The following MYO5B variants were observed in gnomAD, a reference collection of about 807,000 sequenced individuals.
The protein encoded by MYO5B is myosin VB.
In MYO5B, 143 loss-of-function variants were observed where a neutral mutation model predicts 229.3. The observed-to-expected ratio is 0.62, with a 90% CI of 0.54 to 0.72. The LOEUF is 0.72. Ranked by LOEUF, MYO5B falls within the 30% of genes least tolerant of loss-of-function variation. The pLI, the probability that MYO5B is intolerant of heterozygous loss-of-function variation, is 0.00. For synonymous variants in MYO5B, 918 were observed against 885.2 expected (o/e 1.04, Z -0.66); for missense variants, 2,321 against 2,331.0 (o/e 1.00, Z 0.09).
chr18:49,877,992 A>G, intron 24 of MYO5B, 110 bp from the exon 25 acceptor site: 2 of 1,321,664 alleles, frequency 1.5e-6, no homozygotes, highest in Non-Finnish European at 2.2e-6. Context: ...TGTCAACAAG[A>G]ATAGGTATCA....
chr18:49,974,451 G>A lies in MYO5B; in HGVS notation c.1221C>T (p.His407=), dbSNP rs2025722777. ...VINARNALAK[H]IYAQLFGWIV... The stretch of plus-strand genomic sequence containing the variant: ...TCCAGCCGAACAACTGGGCATAGAT[G>A]TGCTTCGCCAGGGCGTTGCGCGCAT... Residue 407 remains histidine (H), a synonymous_variant, in exon 10 of 40, where the codon CAC becomes CAT. Transcript: ENST00000285039. 1 of 1,614,196 alleles carries A rather than the reference G, an allele frequency of 6.2e-7. No homozygotes were observed. The highest frequency in any genetic ancestry group is 1.3e-5 in the African/African-American group (1 of 75,046).
intron 4 of MYO5B, among the ~76,000 whole-genome samples, chr18:50,007,768 A>G (rs578116798): frequency 6.6e-6 from 1 of 152,350 alleles, no homozygotes; most frequent in Admixed American, 6.5e-5. Context: ...CAGCTCATCG[A>G]TAACTGCTGT....
At chr18:49,846,608 A>G (rs2024130781) in intron 33 of MYO5B, among the ~76,000 whole-genome samples, 1 of 152,190 alleles carries the variant, frequency 6.6e-6, no homozygotes, top group African/African-American at 2.4e-5. Flanking sequence ...CTAACCAAAC[A>G]GAAGGAGTCT....
chr18:49,879,036 T>C lies in MYO5B; in HGVS notation c.3185A>G (p.Glu1062Gly), dbSNP rs2024557547. 6.2e-7 allele frequency: 1 copy of C among 1,601,074 alleles called. No individual in the cohort carries two copies. Among genetic ancestry groups the C allele is most frequent in the African/African-American group, 1.4e-5 (1 of 70,352 alleles). Residue 1062 changes from glutamate to glycine, a missense_variant, in exon 24 of 40, where the codon GAG (glutamate) becomes GGG (glycine). Transcript: ENST00000285039. ...KENLMKKELE[E>G]ERSRYQNLVK... ...AAGGTTCTGGTACCGGGATCGCTCC[T>C]CCTCCAGTTCTTTCTTCATGAGATT...
intron 7 of MYO5B, among the ~76,000 whole-genome samples, chr18:49,987,906 A>G (rs1255901472): frequency 6.6e-6 from 1 of 152,046 alleles, no homozygotes; most frequent in African/African-American, 2.4e-5. Flanking sequence ...GGGCCAGGAG[A>G]TTATTCTAGG....
chr18:50,031,338 A>C (rs1183543028), intron 4 of MYO5B, among the ~76,000 whole-genome samples: 1 of 151,940 alleles, frequency 6.6e-6, no homozygotes, highest in Non-Finnish European at 1.5e-5. Context: ...TTGGGTCTGA[A>C]CTCCATCTGT....
At chr18:50,125,504 A>G (rs1464304723) in intron 1 of MYO5B, among the ~76,000 whole-genome samples, 2 of 152,130 alleles carry the variant, frequency 1.3e-5, no homozygotes, top group African/African-American at 4.8e-5. Context: ...CATGTAACCT[A>G]CAACTTAAAG....
rs374342712 is a variant in MYO5B at position 49,915,040 on chromosome 18, G to A, written c.2091-2867C>T. ...CCCTCCTCATTGCTCCTTTGCAAAC[G>A]CTTTTCCTGGTCTGGTGGAAGATGT... On this transcript the variant is annotated intron_variant, in intron 17 of 39. Transcript: ENST00000285039. 4.6e-5 allele frequency among the ~76,000 whole-genome samples: 7 copies of A among 152,134 alleles called. No individual in the cohort carries two copies. In the East Asian group the frequency reaches 9.7e-4, roughly 21 times the overall value.
rs571050583 is a variant in MYO5B at position 49,936,868 on chromosome 18, G to C, written c.1905+377C>G. On this transcript the variant is annotated intron_variant, in intron 15 of 39. Coordinates refer to ENST00000285039, the MANE Select transcript of MYO5B (RefSeq NM_001080467.3). Reference sequence around the variant, plus strand: ...AGACACAATGGGCAGAACAGCCACAGAGACCCCACAGCAGGAGAAGTTGCT... The same window carrying C: ...AGACACAATGGGCAGAACAGCCACACAGACCCCACAGCAGGAGAAGTTGCT... Among the ~76,000 whole-genome samples the C allele has an allele frequency of 1.4e-4, 21 of 152,266 alleles. No homozygotes were observed. In the East Asian group the frequency reaches 4.1e-3, roughly 29 times the overall value.
intron 1 of MYO5B, among the ~76,000 whole-genome samples, chr18:50,173,069 G>GC (rs2032941526): frequency 6.6e-6 from 1 of 152,246 alleles, no homozygotes; most frequent in Non-Finnish European, 1.5e-5. Flanking sequence ...TTCAAGACCA[G>GC]CCTGGCCAAC....
At chr18:49,994,044 C>T (rs1381546044) in intron 5 of MYO5B, among the ~76,000 whole-genome samples, 1 of 152,138 alleles carries the variant, frequency 6.6e-6, no homozygotes, top group Non-Finnish European at 1.5e-5. Context: ...ATAGGCAGTT[C>T]CCTCTTTTCC....
At chr18:50,069,456 A>AT (rs1353105445) in intron 1 of MYO5B, among the ~76,000 whole-genome samples, 1 of 152,004 alleles carries the variant, frequency 6.6e-6, no homozygotes, top group Non-Finnish European at 1.5e-5. Flanking sequence ...AGTCTTCAGT[A>AT]TTGTCCAGCC....
chr18:50,191,396 A>G (rs990553277), intron 1 of MYO5B, among the ~76,000 whole-genome samples: 1 of 152,126 alleles, frequency 6.6e-6, no homozygotes, highest in East Asian at 1.9e-4. Context: ...CCTCACACCA[A>G]TGAAGCTACT....
intron 17 of MYO5B, among the ~76,000 whole-genome samples, chr18:49,927,760 A>T (rs2025146069): frequency 6.6e-6 from 1 of 152,270 alleles, no homozygotes; most frequent in Non-Finnish European, 1.5e-5. Flanking sequence ...TGGATCAAAG[A>T]CTTAAATCTA....
intron 14 of MYO5B, among the ~76,000 whole-genome samples, chr18:49,951,860 G>C (rs8097868): frequency 1.3e-5 from 2 of 152,174 alleles, no homozygotes; most frequent in South Asian, 2.1e-4. Context: ...CTTTCCCTGT[G>C]CCTTGGGGCT....
intron 9 of MYO5B, among the ~76,000 whole-genome samples, chr18:49,977,510 C>A (rs894361331): frequency 6.6e-6 from 1 of 152,130 alleles, no homozygotes; most frequent in Non-Finnish European, 1.5e-5. Context: ...CAACTATTAA[C>A]GATGCATTTC....
intron 22 of MYO5B, among the ~76,000 whole-genome samples, chr18:49,893,957 G>C (rs1000181800): frequency 2.0e-5 from 3 of 152,212 alleles, no homozygotes; most frequent in Non-Finnish European, 4.4e-5. Context: ...GCAGCCAGGT[G>C]CAAGTCTAGA....
Position 49,950,910 on chromosome 18 carries a change from C to T in MYO5B, c.1752+2350G>A, listed in dbSNP as rs550196950. 2.6e-5 allele frequency among the ~76,000 whole-genome samples: 4 copies of T among 152,286 alleles called. No individual in the cohort carries two copies. In the South Asian group the frequency reaches 8.3e-4, roughly 32 times the overall value. On this transcript the variant is annotated intron_variant, in intron 14 of 39. Transcript: ENST00000285039. Reference sequence around the variant, plus strand: ...GGTGTCAGGGGAACTTGGATTTTTACCATTCCCTGATAAGAACAGTTCACT... The same window carrying T: ...GGTGTCAGGGGAACTTGGATTTTTATCATTCCCTGATAAGAACAGTTCACT...
intron 14 of MYO5B, among the ~76,000 whole-genome samples, chr18:49,939,123 T>C (rs2025283781): frequency 6.6e-6 from 1 of 151,562 alleles, no homozygotes; most frequent in Non-Finnish European, 1.5e-5. Flanking sequence ...AGGGGTTATA[T>C]ACATTAACAC....
Sources: allele counts gnomAD v4.1 joint callset (sites outside exome capture counted in the v4.1 genomes callset), GRCh38; gene constraint gnomAD v4.1.1; transcripts MANE v1.5; gene names NCBI Gene and HGNC (gene_info 2026-07-23, HGNC 2026-07-21).